PKD2L2: variants seen among roughly 807,000 people sequenced by gnomAD.
PKD2L2 encodes polycystin-2-like protein 2.
Under a neutral mutation model 83.9 loss-of-function variants are expected in PKD2L2, and 67 were observed. That is an observed-to-expected ratio of 0.80 (90% CI 0.66 to 0.98). The LOEUF (loss-of-function observed/expected upper bound fraction) is 0.98. Among genes scored for constraint, PKD2L2 ranks in the 50% least tolerant of loss-of-function variants. The pLI, the probability that PKD2L2 is intolerant of heterozygous loss-of-function variation, is 0.00. For missense variants in PKD2L2, 632 were observed against 717.2 expected, an observed-to-expected ratio of 0.88 and a Z score of 1.36; for synonymous variants, 223 against 237.8, an observed-to-expected ratio of 0.94 and a Z score of 0.57.
At chr5:137,897,692 C>G (rs1204581310) in intron 4 of PKD2L2, among the ~76,000 whole-genome samples, 2 of 152,164 alleles carry the variant, frequency 1.3e-5, no homozygotes, top group East Asian at 3.9e-4. Context: ...AACAGATCTT[C>G]CTGTTTCCAC....
chr5:137,942,082 T>C (rs372243589), intron 14 of PKD2L2: 713 of 1,506,084 alleles, frequency 4.7e-4, no homozygotes, highest in Admixed American at 6.7e-4. Flanking sequence ...AGGGCACACT[T>C]GATTCATTAT....
At chr5:137,932,048 C>T (rs1759920499) in intron 12 of PKD2L2, among the ~76,000 whole-genome samples, 1 of 152,102 alleles carries the variant, frequency 6.6e-6, no homozygotes, top group African/African-American at 2.4e-5. Flanking sequence ...AGATAAAAAA[C>T]TTTAAACATT....
chr5:137,900,619 C>T (rs1423067648), intron 5 of PKD2L2, among the ~76,000 whole-genome samples: 1 of 152,194 alleles, frequency 6.6e-6, no homozygotes, highest in Non-Finnish European at 1.5e-5. Flanking sequence ...GCAGCTATGC[C>T]AGCAGGTGTG....
At chr5:137,929,910 A>G (rs1222632497) in intron 12 of PKD2L2, among the ~76,000 whole-genome samples, 1 of 152,226 alleles carries the variant, frequency 6.6e-6, no homozygotes, top group Non-Finnish European at 1.5e-5. Flanking sequence ...ACAACTGAAT[A>G]TAAATCAAAG....
chr5:137,902,125 TAGAAAC>T (rs908251715), intron 5 of PKD2L2, among the ~76,000 whole-genome samples: 9 of 151,812 alleles, frequency 5.9e-5, no homozygotes, highest in African/African-American at 1.5e-4. Flanking sequence ...AAGGAAAACA[TAGAAAC>T]AGAACAGAAA....
chr5:137,922,437 A>C (rs1758996558), intron 9 of PKD2L2, among the ~76,000 whole-genome samples: 1 of 152,168 alleles, frequency 6.6e-6, no homozygotes, highest in African/African-American at 2.4e-5. Context: ...AAAAAACAAC[A>C]GTAACAACAA....
chr5:137,929,549 A>AAAAAAAAAAAAAC (rs1759679488), intron 12 of PKD2L2, among the ~76,000 whole-genome samples: 1 of 148,004 alleles, frequency 6.8e-6, no homozygotes, highest in Non-Finnish European at 1.5e-5. Flanking sequence ...AAAAAAAAAA[A>AAAAAAAAAAAAAC]AAAAAAAAAA....
chr5:137,895,694 A>G (rs1387755968), intron 4 of PKD2L2, among the ~76,000 whole-genome samples: 1 of 152,002 alleles, frequency 6.6e-6, no homozygotes, highest in South Asian at 2.1e-4. Flanking sequence ...ACTGGCCAAC[A>G]TGGTGAAACC....
intron 3 of PKD2L2, 102 bp downstream of exon 3, chr5:137,892,715 A>T (rs1032427396): frequency 1.3e-5 from 12 of 932,786 alleles, no homozygotes; most frequent in Middle Eastern, 2.2e-4. Context: ...GAAATGAATA[A>T]AAATAAATGT....
At chr5:137,937,943 C>T (rs1760629069) in intron 14 of PKD2L2, 1 of 151,116 alleles carries the variant, frequency 6.6e-6, no homozygotes, top group African/African-American at 2.4e-5. Context: ...GAAAAACAAA[C>T]ATACATTTAC....
chr5:137,890,215 G>A (rs1272677466), intron 1 of PKD2L2: 5 of 260,472 alleles, frequency 1.9e-5, no homozygotes, highest in Non-Finnish European at 2.9e-5. Flanking sequence ...CCGGGGAGGC[G>A]GAGGCTGCAG....
At chr5:137,924,982 C>A in intron 10 of PKD2L2, 58 bp from the exon 11 acceptor site, 1 of 1,001,270 alleles carries the variant, frequency 1.0e-6, no homozygotes, top group Non-Finnish European at 1.6e-6. Context: ...TTTGATAAAA[C>A]ATTAATAATC....
At chr5:137,914,525 T>G (rs185860731) in intron 8 of PKD2L2, among the ~76,000 whole-genome samples, 1 of 152,330 alleles carries the variant, frequency 6.6e-6, no homozygotes, top group Admixed American at 6.5e-5. Flanking sequence ...TTCTAATAGT[T>G]TTTTGGTGGA....
intron 12 of PKD2L2, among the ~76,000 whole-genome samples, chr5:137,928,320 T>C (rs1759544129): frequency 6.8e-6 from 1 of 147,526 alleles, no homozygotes; most frequent in South Asian, 2.1e-4. Flanking sequence ...GGAGGATCAC[T>C]TGAGCCCAGT....
intron 5 of PKD2L2, among the ~76,000 whole-genome samples, chr5:137,903,749 T>A (rs192063581): frequency 3.9e-5 from 6 of 152,338 alleles, no homozygotes; most frequent in Admixed American, 3.3e-4. Flanking sequence ...CTACATTTTT[T>A]ATTTTTTTAT....
Position 137,935,790 on chromosome 5 carries a change from C to T in PKD2L2, c.1672-7C>T, listed in dbSNP as rs764977428. On this transcript the variant is annotated splice_region_variant and splice_polypyrimidine_tract_variant and intron_variant, in intron 12 of 14. Coordinates refer to ENST00000508883, the MANE Select transcript of PKD2L2 (RefSeq NM_001300921.2). ...TTGCAGCCTTTACTTGTCCTCTACCCTGACAGGAGATTCAAAACGCAGAGC... is the reference window on the plus strand; with the variant it reads ...TTGCAGCCTTTACTTGTCCTCTACCTTGACAGGAGATTCAAAACGCAGAGC... 23 of 1,500,224 alleles carry T rather than the reference C, an allele frequency of 1.5e-5. No individual in the cohort carries two copies. The highest frequency in any genetic ancestry group is 2.1e-5 in the Non-Finnish European group (23 of 1,077,570). The allele number at this position is 1,500,224 out of a possible 1,614,324, so 92.9% of individuals were successfully genotyped here. A position where few individuals can be genotyped will look rare whatever the true frequency, so the allele number is the denominator to read the frequency against.
intron 12 of PKD2L2, among the ~76,000 whole-genome samples, chr5:137,932,420 T>G (rs185177059): frequency 6.6e-6 from 1 of 151,582 alleles, no homozygotes; most frequent in East Asian, 1.9e-4. Flanking sequence ...CAGAGCCCAC[T>G]CAGAAAGAAA....
At chr5:137,892,316 C>T (rs1756059979) in intron 2 of PKD2L2, among the ~76,000 whole-genome samples, 164 bp from the exon 3 acceptor site, 2 of 152,184 alleles carry the variant, frequency 1.3e-5, no homozygotes, top group African/African-American at 4.8e-5. Flanking sequence ...CTAGAAACCA[C>T]ATCCTACTTT....
chr5:137,904,035 C>T (rs1419129093), intron 5 of PKD2L2, among the ~76,000 whole-genome samples: 1 of 152,202 alleles, frequency 6.6e-6, no homozygotes, highest in Non-Finnish European at 1.5e-5. Flanking sequence ...GGATTACAGA[C>T]GTGAGCCACC....
Sources: gnomAD v4.1 joint callset for allele counts (sites outside exome capture counted in the v4.1 genomes callset) on GRCh38, gnomAD v4.1.1 for gene constraint, MANE v1.5 for transcripts, NCBI Gene and HGNC (gene_info 2026-07-23, HGNC 2026-07-21) for gene names.